The following LARP1B variants were observed in gnomAD, a reference collection of about 807,000 sequenced individuals.
LARP1B encodes the protein la-related protein 1B.
Under a neutral mutation model 114.2 loss-of-function variants are expected in LARP1B, and 76 were observed. The observed-to-expected ratio is 0.67, with a 90% CI of 0.55 to 0.81. The LOEUF (loss-of-function observed/expected upper bound fraction) is 0.81. Ranked by LOEUF, LARP1B falls within the 30% of genes least tolerant of loss-of-function variation. LARP1B has a pLI of 0.00. For missense variants in LARP1B, 1,014 were observed against 1,075.8 expected (o/e 0.94, Z 0.80); for synonymous variants, 345 against 348.0 (o/e 0.99, Z 0.10).
chr4:128,220,366 G>A (rs191328616), exon 7 of LARP1B: 15 of 963,844 alleles, frequency 1.6e-5, no homozygotes, highest in East Asian at 1.1e-4. Flanking sequence ...AGGCTGATCC[G>A]ATAGAGTAAT....
At chr4:128,182,814 T>A (rs1316563005) in intron 15 of LARP1B, among the ~76,000 whole-genome samples, 1 of 152,194 alleles carries the variant, frequency 6.6e-6, no homozygotes, top group African/African-American at 2.4e-5. Flanking sequence ...AAAGTGCTAC[T>A]CCAGTGAATA....
chr4:128,145,126 T>G (rs1299261298), intron 11 of LARP1B, among the ~76,000 whole-genome samples: 1 of 152,222 alleles, frequency 6.6e-6, no homozygotes. Flanking sequence ...CTTGGAATTG[T>G]GTAGACTTAT....
intron 15 of LARP1B, among the ~76,000 whole-genome samples, chr4:128,196,215 C>T (rs1345570179): frequency 7.7e-6 from 1 of 129,714 alleles, no homozygotes; most frequent in Non-Finnish European, 1.5e-5. Context: ...CATGTCACTA[C>T]ACTTCAGCCT....
intron 15 of LARP1B, among the ~76,000 whole-genome samples, chr4:128,199,124 A>G (rs184465272): frequency 3.3e-5 from 5 of 152,364 alleles, no homozygotes; most frequent in Admixed American, 1.3e-4. Flanking sequence ...TTTCCACATA[A>G]TAAAAAACTA....
intron 11 of LARP1B, chr4:128,122,449 T>TTG: frequency 6.6e-7 from 1 of 1,513,586 alleles, no homozygotes; most frequent in African/African-American, 1.4e-5. Flanking sequence ...TTTTTTTTTT[T>TTG]TTTTGTTTTG....
intron 8 of LARP1B, among the ~76,000 whole-genome samples, chr4:128,098,768 T>TATATATATATATATATATATATATATATA (rs58280279): frequency 5.3e-5 from 1 of 18,880 alleles, no homozygotes; most frequent in Non-Finnish European, 9.2e-5. Flanking sequence ...TATATATATA[T>TATATATATATATATATATATATATATATA]TTTTTTTTTT....
chr4:128,101,869 T>A (rs1287078571), intron 8 of LARP1B, among the ~76,000 whole-genome samples: 1 of 152,220 alleles, frequency 6.6e-6, no homozygotes, highest in Non-Finnish European at 1.5e-5. Context: ...TGTTGCCATT[T>A]TTTCCCTGTC....
rs1437026633 is a variant in LARP1B, at chr4:128,098,346, A to C, written c.813+16A>C. ...CATCTTAGAGGTAATTGCTCATTTG[A>C]TGAACAATTTGTACTTTCTGCTCAA... On this transcript the variant is annotated intron_variant, in intron 8 of 19. Coordinates refer to ENST00000326639, the MANE Select transcript of LARP1B (RefSeq NM_018078.4). The C allele has an allele frequency of 6.3e-7, 1 of 1,590,640 alleles. No homozygotes were observed. The highest frequency in any genetic ancestry group is 2.2e-5 in the East Asian group (1 of 44,532).
chr4:128,132,426 G>C (rs1396559949), intron 11 of LARP1B, among the ~76,000 whole-genome samples: 1 of 151,826 alleles, frequency 6.6e-6, no homozygotes, highest in Non-Finnish European at 1.5e-5. Context: ...TGTATTTTTT[G>C]GTAGAGACGG....
Position 128,211,571 on chromosome 4 carries a change from T to C in LARP1B, c.*1518T>C. The C allele has an allele frequency of 1.1e-6, 1 of 934,494 alleles. No individual in the cohort carries two copies. The highest frequency in any genetic ancestry group is 1.3e-6 in the Non-Finnish European group (1 of 783,706). 57.9% of individuals were successfully genotyped at this position (934,494 alleles called of 1,614,324 possible). A position where few individuals can be genotyped will look rare whatever the true frequency, so the allele number is the denominator to read the frequency against. On this transcript the variant is annotated 3_prime_UTR_variant, in exon 20 of 20. Coordinates refer to ENST00000326639, the MANE Select transcript of LARP1B (RefSeq NM_018078.4). ...TTCAGAAAATAAATTTATTTAGATA[T>C]ATTGTAAAGAGGGTGCAAAACAAGC... is the stretch of plus-strand genomic sequence containing the variant.
At chr4:128,126,860 C>A (rs543751154) in intron 11 of LARP1B, among the ~76,000 whole-genome samples, 1 of 147,166 alleles carries the variant, frequency 6.8e-6, no homozygotes. Context: ...TATAGGATAA[C>A]GGAGAAGGTC....
At chr4:128,136,639 C>T (rs1725451024) in intron 11 of LARP1B, among the ~76,000 whole-genome samples, 1 of 152,156 alleles carries the variant, frequency 6.6e-6, no homozygotes, top group South Asian at 2.1e-4. Flanking sequence ...CTAAGAATTG[C>T]AGAGCATTGT....
chr4:128,134,486 T>C (rs1466990264), intron 11 of LARP1B, among the ~76,000 whole-genome samples: 1 of 152,218 alleles, frequency 6.6e-6, no homozygotes, highest in Admixed American at 6.5e-5. Flanking sequence ...CATAAAATTA[T>C]AGAACATTTA....
intron 11 of LARP1B, among the ~76,000 whole-genome samples, chr4:128,143,796 G>GGGGTGTGTGTGTGTGT (rs149590509): frequency 1.1e-4 from 16 of 147,844 alleles, no homozygotes; most frequent in Non-Finnish European, 1.2e-4. Context: ...TAAGGCACAG[G>GGGGTGTGTGTGTGTGT]GTGTGTGTGT....
chr4:128,148,829 G>A (rs1022636690), intron 11 of LARP1B, among the ~76,000 whole-genome samples: 26 of 152,232 alleles, frequency 1.7e-4, no homozygotes, highest in Middle Eastern at 3.4e-3. Context: ...GTTTCACCAT[G>A]TTGGCCTGGC....
At chr4:128,084,794 A>G (rs181378774) in intron 5 of LARP1B, among the ~76,000 whole-genome samples, 1 of 152,296 alleles carries the variant, frequency 6.6e-6, no homozygotes, top group East Asian at 1.9e-4. Context: ...ATTGATTAAT[A>G]TTAACTTTGA....
At chr4:128,132,637 G>A (rs1791938103) in intron 11 of LARP1B, among the ~76,000 whole-genome samples, 1 of 151,922 alleles carries the variant, frequency 6.6e-6, no homozygotes, top group Admixed American at 6.6e-5. Context: ...TCATAATGAA[G>A]CATTATGAAG....
At chr4:128,189,720 G>GGCTT (rs1751611078) in intron 15 of LARP1B, among the ~76,000 whole-genome samples, 1 of 151,912 alleles carries the variant, frequency 6.6e-6, no homozygotes, top group Non-Finnish European at 1.5e-5. Context: ...GTTACCATGA[G>GGCTT]GCTTACCAAA....
chr4:128,074,504 A>G lies in LARP1B; in HGVS notation c.-33A>G, dbSNP rs1767037767. 1.1e-6 allele frequency: 1 copy of G among 933,132 alleles called. No homozygotes were observed. The allele number at this position is 933,132 out of a possible 1,614,324, so 57.8% of individuals were successfully genotyped here. ...TATAAAGGCAGGAAAGCTCAAGACA[A>G]AGAAATCCAACAAGGTATGTCTTCA... is the stretch of plus-strand genomic sequence containing the variant. On this transcript the variant is annotated 5_prime_UTR_variant, in exon 2 of 20. Transcript: ENST00000326639.
Sources: gnomAD v4.1 joint callset for allele counts (sites outside exome capture counted in the v4.1 genomes callset) on GRCh38, gnomAD v4.1.1 for gene constraint, MANE v1.5 for transcripts, NCBI Gene and HGNC (gene_info 2026-07-23, HGNC 2026-07-21) for gene names.